CTNNA2: variants seen among roughly 807,000 people sequenced by gnomAD.
The protein encoded by CTNNA2 is catenin alpha-2.
A neutral mutation model predicts 101.0 loss-of-function variants in CTNNA2; 42 were observed. That is an observed-to-expected ratio of 0.42 (90% CI 0.32 to 0.54). The LOEUF is 0.54. Ranked by LOEUF, CTNNA2 falls within the 20% of genes least tolerant of loss-of-function variation. The pLI is 0.14. For missense variants in CTNNA2, 871 were observed against 1,223.1 expected, an observed-to-expected ratio of 0.71 and a Z score of 4.29; for synonymous variants, 450 against 456.4, an observed-to-expected ratio of 0.99 and a Z score of 0.18.
At chr2:80,236,777 T>G (rs1709572499) in intron 7 of CTNNA2, among the ~76,000 whole-genome samples, 2 of 152,172 alleles carry the variant, frequency 1.3e-5, no homozygotes, top group Admixed American at 6.5e-5. Context: ...TTTCCTGGGC[T>G]CATTCCCAAA....
chr2:79,646,744 G>T (rs962433255), intron 1 of CTNNA2, among the ~76,000 whole-genome samples: 1 of 151,932 alleles, frequency 6.6e-6, no homozygotes, highest in Non-Finnish European at 1.5e-5. Flanking sequence ...GTCCAGGCTG[G>T]TCTCAAACTT....
chr2:79,642,482 T>C (rs952601533), intron 1 of CTNNA2, among the ~76,000 whole-genome samples: 3 of 152,172 alleles, frequency 2.0e-5, no homozygotes, highest in African/African-American at 4.8e-5. Context: ...TGAATGGTTA[T>C]TGTGTAAAGA....
intron 2 of CTNNA2, among the ~76,000 whole-genome samples, chr2:79,235,567 C>T (rs1008295008): frequency 2.6e-5 from 4 of 152,180 alleles, no homozygotes; most frequent in African/African-American, 9.7e-5. Flanking sequence ...GGTTGACAGA[C>T]TGGCCATATC....
chr2:80,563,062 AG>A (rs201434183), intron 12 of CTNNA2, among the ~76,000 whole-genome samples: 7,392 of 100,456 alleles, frequency 0.074, 480 homozygotes, highest in African/African-American at 0.17. Flanking sequence ...AAAAAAAAAA[AG>A]AAAGACATGA....
chr2:80,287,094 C>T (rs1674836747), intron 7 of CTNNA2, among the ~76,000 whole-genome samples: 3 of 152,120 alleles, frequency 2.0e-5, no homozygotes, highest in Non-Finnish European at 4.4e-5. Flanking sequence ...GTTCTAACAC[C>T]TTCTGATGGT....
intron 7 of CTNNA2, among the ~76,000 whole-genome samples, chr2:80,192,215 A>G (rs1706552465): frequency 1.3e-5 from 2 of 152,204 alleles, no homozygotes; most frequent in Non-Finnish European, 2.9e-5. Flanking sequence ...ATAGATAGGT[A>G]GAAGAAATGT....
At chr2:79,815,566 G>A (rs1574041340) in intron 3 of CTNNA2, among the ~76,000 whole-genome samples, 1 of 152,088 alleles carries the variant, frequency 6.6e-6, no homozygotes, top group South Asian at 2.1e-4. Context: ...AGATCAGTTG[G>A]CTGTATGTAT....
chr2:80,290,387 A>G (rs1480063733), intron 7 of CTNNA2, among the ~76,000 whole-genome samples: 1 of 151,854 alleles, frequency 6.6e-6, no homozygotes, highest in East Asian at 1.9e-4. Context: ...TGACCTTCTC[A>G]TTTCTTCCCC....
At chr2:80,593,837 T>C (rs1191501129) in intron 15 of CTNNA2, among the ~76,000 whole-genome samples, 3 of 152,192 alleles carry the variant, frequency 2.0e-5, no homozygotes, top group African/African-American at 7.2e-5. Context: ...TAATGTTCCA[T>C]TGAATGCATG....
At chr2:80,217,804 G>A (rs145829571) in intron 7 of CTNNA2, among the ~76,000 whole-genome samples, 1 of 152,312 alleles carries the variant, frequency 6.6e-6, no homozygotes, top group East Asian at 1.9e-4. Flanking sequence ...GGGGAGAGGG[G>A]TTCAGGGCTG....
intron 7 of CTNNA2, among the ~76,000 whole-genome samples, chr2:80,114,134 C>A (rs1414062357): frequency 2.6e-5 from 4 of 152,146 alleles, no homozygotes; most frequent in Non-Finnish European, 5.9e-5. Context: ...GTACATTGTT[C>A]TTCTATCCTC....
chr2:80,569,572 G>A (rs1189073001), intron 12 of CTNNA2, among the ~76,000 whole-genome samples: 2 of 149,808 alleles, frequency 1.3e-5, no homozygotes, highest in Non-Finnish European at 3.0e-5. Context: ...GGCAGAAGCA[G>A]CATCATATTT....
chr2:80,339,926 C>T (rs1672084155), intron 7 of CTNNA2, among the ~76,000 whole-genome samples: 2 of 152,168 alleles, frequency 1.3e-5, no homozygotes, highest in African/African-American at 2.4e-5. Flanking sequence ...ATTTCCCAGA[C>T]ATTTTAATCT....
At chr2:80,137,217 A>C (rs1391257714) in intron 7 of CTNNA2, among the ~76,000 whole-genome samples, 1 of 152,170 alleles carries the variant, frequency 6.6e-6, no homozygotes, top group Non-Finnish European at 1.5e-5. Context: ...ACCACAGTCC[A>C]AGGTGGTAAA....
intron 6 of CTNNA2, among the ~76,000 whole-genome samples, chr2:79,905,556 C>A (rs1379849149): frequency 6.6e-6 from 1 of 152,038 alleles, no homozygotes; most frequent in Non-Finnish European, 1.5e-5. Context: ...GGTGTGCTGC[C>A]CTCTTAAAGT....
intron 2 of CTNNA2, among the ~76,000 whole-genome samples, chr2:79,681,086 T>C (rs1189521736): frequency 6.6e-6 from 1 of 152,148 alleles, no homozygotes; most frequent in East Asian, 1.9e-4. Flanking sequence ...GCCTCGGAGA[T>C]TGAGGCTGTA....
At chr2:80,485,168 T>C (rs890149773) in intron 9 of CTNNA2, among the ~76,000 whole-genome samples, 5 of 152,212 alleles carry the variant, frequency 3.3e-5, no homozygotes, top group African/African-American at 1.2e-4. Context: ...ATATAAATTC[T>C]ACTCTTATTT....
intron 3 of CTNNA2, among the ~76,000 whole-genome samples, chr2:79,315,854 A>T (rs1156976292): frequency 1.3e-5 from 2 of 152,122 alleles, no homozygotes; most frequent in East Asian, 3.9e-4. Context: ...AATTCACTTC[A>T]TCATTTTAAA....
chr2:80,187,492 G>T (rs1033028331), intron 7 of CTNNA2, among the ~76,000 whole-genome samples: 1 of 152,190 alleles, frequency 6.6e-6, no homozygotes, highest in Non-Finnish European at 1.5e-5. Flanking sequence ...TATACTTCCC[G>T]TGGAAACGGC....
Sources: gnomAD v4.1 joint callset for allele counts (sites outside exome capture counted in the v4.1 genomes callset) on GRCh38, gnomAD v4.1.1 for gene constraint, MANE v1.5 for transcripts, NCBI Gene and HGNC (gene_info 2026-07-23, HGNC 2026-07-21) for gene names.